Variants in PSD3 observed in about 807,000 individuals in gnomAD.
PSD3 encodes the protein PH and SEC7 domain-containing protein 3.
PSD3 carries 49 observed loss-of-function variants against 105.5 expected under a neutral mutation model. That is an observed-to-expected ratio of 0.46 (90% CI 0.37 to 0.59). The LOEUF (loss-of-function observed/expected upper bound fraction) is 0.59, where lower values mean the gene tolerates loss of function less well. PSD3 is among the 20% of genes least tolerant of loss of function. PSD3 has a pLI of 0.00. For synonymous variants in PSD3, 557 were observed against 457.8 expected (o/e 1.22, Z -2.77); for missense variants, 1,561 against 1,263.8 (o/e 1.24, Z -3.57).
chr8:18,599,915 T>A (rs919509341), intron 12 of PSD3, among the ~76,000 whole-genome samples: 3 of 152,144 alleles, frequency 2.0e-5, no homozygotes, highest in African/African-American at 7.2e-5. Context: ...TTAGTCACAG[T>A]AAGAGATTAA....
chr8:18,696,772 C>A (rs777683864), intron 9 of PSD3, among the ~76,000 whole-genome samples: 21 of 152,050 alleles, frequency 1.4e-4, no homozygotes, highest in Non-Finnish European at 2.5e-4. Context: ...TGCCTCAAAT[C>A]GGAACATCAT....
intron 14 of PSD3, among the ~76,000 whole-genome samples, chr8:18,564,088 A>G (rs958105361): frequency 6.9e-6 from 1 of 144,992 alleles, no homozygotes; most frequent in African/African-American, 2.6e-5. Context: ...AGGCACTGGG[A>G]AAAAATTTAA....
In PSD3 at chr8:18,770,281, G is replaced by A. The variant is rs537796981; in HGVS notation, c.2083-4743C>T. Among the ~76,000 whole-genome samples the A allele has an allele frequency of 2.7e-4, 41 of 151,780 alleles. 1 individual carries two copies. The highest frequency in any genetic ancestry group is 6.6e-5 in the Admixed American group (1 of 15,258). ...CATTTGCATGTCTTCTTTAGAGAAA[G>A]GCCTGTTAAAATCCTATTTTCCCTT... On this transcript the variant is annotated intron_variant, in intron 8 of 15. Coordinates refer to ENST00000327040, the MANE Select transcript of PSD3 (RefSeq NM_015310.4).
intron 3 of PSD3, among the ~76,000 whole-genome samples, chr8:18,868,816 G>C (rs892448622): frequency 1.3e-5 from 2 of 152,104 alleles, no homozygotes; most frequent in Non-Finnish European, 2.9e-5. Flanking sequence ...AAACTTGGGA[G>C]ATAGATCACT....
intron 15 of PSD3, among the ~76,000 whole-genome samples, chr8:18,551,388 C>T (rs1800759889): frequency 1.3e-5 from 2 of 152,122 alleles, no homozygotes; most frequent in Admixed American, 6.6e-5. Context: ...TTATGGGCTT[C>T]CCTAATGACT....
chr8:18,815,301 T>C (rs1812121632), intron 4 of PSD3, among the ~76,000 whole-genome samples: 2 of 151,964 alleles, frequency 1.3e-5, no homozygotes, highest in Admixed American at 1.3e-4. Context: ...CTTCAAATTC[T>C]TTTTTTTGTG....
chr8:18,781,320 A>G (rs556181439), intron 8 of PSD3, among the ~76,000 whole-genome samples: 211 of 152,334 alleles, frequency 1.4e-3, no homozygotes, highest in Non-Finnish European at 2.4e-3. Flanking sequence ...ATGCATGCAT[A>G]TCCTTTTTCT....
intron 12 of PSD3, among the ~76,000 whole-genome samples, chr8:18,581,237 C>G (rs1454441064): frequency 1.3e-5 from 2 of 152,142 alleles, no homozygotes; most frequent in Non-Finnish European, 2.9e-5. Flanking sequence ...CAATTCATAG[C>G]ACTTTCTAAT....
intron 9 of PSD3, among the ~76,000 whole-genome samples, chr8:18,678,009 C>CA (rs11404371): frequency 0.79 from 107,081 of 134,702 alleles, 45,184 homozygotes; most frequent in Non-Finnish European, 0.94. Context: ...GACTCTGTCT[C>CA]AAAAAAAAAA....
At chr8:18,659,482 T>C (rs188430458) in intron 9 of PSD3, among the ~76,000 whole-genome samples, 1 of 152,200 alleles carries the variant, frequency 6.6e-6, no homozygotes, top group Non-Finnish European at 1.5e-5. Context: ...CCACATTCCA[T>C]AACTTGTTTT....
rs763215869 is a variant in PSD3, at chr8:19,013,590, T to C, written c.-7A>G. 6.7e-7 allele frequency: 1 copy of C among 1,497,658 alleles called. No homozygotes were observed. The highest frequency in any genetic ancestry group is 8.8e-7 in the Non-Finnish European group (1 of 1,131,600). 92.8% of individuals were successfully genotyped at this position (1,497,658 alleles called of 1,614,324 possible). A position where few individuals can be genotyped will look rare whatever the true frequency, so the allele number is the denominator to read the frequency against. On this transcript the variant is annotated 5_prime_UTR_variant, in exon 1 of 16. An upstream start codon of the reference 5' UTR is lost. Transcript: ENST00000327040. Reference sequence around the variant, plus strand: ...CTGCGCTCCTTCCTTCCATCTTCCATCGCCAGCCCGGCCGCGCGCCGAAAC... The same window carrying C: ...CTGCGCTCCTTCCTTCCATCTTCCACCGCCAGCCCGGCCGCGCGCCGAAAC...
intron 14 of PSD3, among the ~76,000 whole-genome samples, chr8:18,568,921 T>A (rs1190940771): frequency 6.7e-6 from 1 of 148,728 alleles, no homozygotes; most frequent in African/African-American, 2.5e-5. Flanking sequence ...GTGATCTCAC[T>A]GTTCAGTTCC....
chr8:18,835,331 T>C (rs140998338), intron 4 of PSD3, among the ~76,000 whole-genome samples: 277 of 152,350 alleles, frequency 1.8e-3, no homozygotes, highest in South Asian at 8.7e-3. Context: ...GCATTACTCA[T>C]CACCTTTTTG....
intron 2 of PSD3, among the ~76,000 whole-genome samples, chr8:18,906,867 C>A (rs906206941): frequency 2.0e-5 from 3 of 152,150 alleles, no homozygotes; most frequent in East Asian, 1.9e-4. Flanking sequence ...AGGCAAAACA[C>A]TCCCATTGCC....
Position 19,013,444 on chromosome 8 carries a change from C to G in PSD3, c.21+119G>C, listed in dbSNP as rs1827047600. 13 of 1,427,530 alleles carry G rather than the reference C, an allele frequency of 9.1e-6. No individual in the cohort carries two copies. The South Asian group carries it at 1.4e-4, about 16-fold the overall frequency. The allele number at this position is 1,427,530 out of a possible 1,614,324, so 88.4% of individuals were successfully genotyped here. A position where few individuals can be genotyped will look rare whatever the true frequency, so the allele number is the denominator to read the frequency against. On this transcript the variant is annotated intron_variant, in intron 1 of 15. Transcript: ENST00000327040. ...GCACCCTGCACCTATCCAGACAGCACAAACCCAGGTGGCCCCGGGATCCTG... is the reference window on the plus strand; with the variant it reads ...GCACCCTGCACCTATCCAGACAGCAGAAACCCAGGTGGCCCCGGGATCCTG...
intron 1 of PSD3, among the ~76,000 whole-genome samples, chr8:19,074,582 C>CATATATATAT (rs1829384545): frequency 2.9e-5 from 1 of 34,140 alleles, no homozygotes; most frequent in Non-Finnish European, 8.1e-5. Context: ...TTTTACAACT[C>CATATATATAT]AGATATATAC....
chr8:19,045,951 G>T (rs1463497128), intron 1 of PSD3, among the ~76,000 whole-genome samples: 4 of 152,022 alleles, frequency 2.6e-5, no homozygotes, highest in African/African-American at 4.8e-5. Context: ...CTCCTTTCTG[G>T]CTATAACCAT....
chr8:18,975,960 T>G (rs1824922988), intron 1 of PSD3, among the ~76,000 whole-genome samples: 1 of 152,108 alleles, frequency 6.6e-6, no homozygotes, highest in Non-Finnish European at 1.5e-5. Flanking sequence ...AAAATACGAA[T>G]CAATGCCTTA....
At chr8:18,600,998 T>C (rs1804402711) in intron 11 of PSD3, among the ~76,000 whole-genome samples, 1 of 152,242 alleles carries the variant, frequency 6.6e-6, no homozygotes, top group African/African-American at 2.4e-5. Context: ...AGGATCTTGC[T>C]GTAATGTACT....
Sources: allele counts gnomAD v4.1 joint callset (sites outside exome capture counted in the v4.1 genomes callset), GRCh38; gene constraint gnomAD v4.1.1; transcripts MANE v1.5; gene names NCBI Gene and HGNC (gene_info 2026-07-23, HGNC 2026-07-21).